Variants in NRCAM observed in about 807,000 individuals in gnomAD.
The protein encoded by NRCAM is neuronal cell adhesion molecule, also known as NgCAM-related cell adhesion molecule.
In NRCAM, 83 loss-of-function variants were observed where a neutral mutation model predicts 156.5. That is an observed-to-expected ratio of 0.53 (90% CI 0.44 to 0.64). The LOEUF (loss-of-function observed/expected upper bound fraction) is 0.64, where lower values mean the gene tolerates loss of function less well. Among genes scored for constraint, NRCAM ranks in the 30% least tolerant of loss-of-function variants. NRCAM has a pLI of 0.00. For missense variants in NRCAM, 1,417 were observed against 1,597.3 expected, an observed-to-expected ratio of 0.89 and a Z score of 1.92; for synonymous variants, 538 against 563.9, an observed-to-expected ratio of 0.95 and a Z score of 0.65.
intron 2 of NRCAM, among the ~76,000 whole-genome samples, chr7:108,345,226 G>A (rs1419386860): frequency 6.6e-6 from 1 of 152,188 alleles, no homozygotes; most frequent in African/African-American, 2.4e-5. Context: ...TTGAACCTTA[G>A]TGAACTGTGT....
intron 2 of NRCAM, among the ~76,000 whole-genome samples, chr7:108,332,882 A>AT (rs1017036020): frequency 1.7e-4 from 26 of 152,332 alleles, no homozygotes; most frequent in African/African-American, 6.3e-4. Context: ...AGACAATGTA[A>AT]TAATAACCGA....
At chr7:108,344,859 C>A (rs1486523236) in intron 2 of NRCAM, among the ~76,000 whole-genome samples, 1 of 152,110 alleles carries the variant, frequency 6.6e-6, no homozygotes, top group Non-Finnish European at 1.5e-5. Flanking sequence ...AATGTCCTAA[C>A]CTTATTTCCA....
In NRCAM at chr7:108,194,017, C is replaced by T. The variant is rs1475787791; in HGVS notation, c.1778+7G>A. Reference sequence around the variant, plus strand: ...GAAGAGAAAGTAAAGAAATCGTCTTCAAATACCTTTCATCACTGGGCAGTT... The same window carrying T: ...GAAGAGAAAGTAAAGAAATCGTCTTTAAATACCTTTCATCACTGGGCAGTT... On this transcript the variant is annotated splice_region_variant and intron_variant, in intron 17 of 32. Coordinates refer to ENST00000379028, the MANE Select transcript of NRCAM (RefSeq NM_001037132.4). 7.4e-6 allele frequency: 12 copies of T among 1,612,120 alleles called. No individual in the cohort carries two copies. Among genetic ancestry groups the T allele is most frequent in the African/African-American group, 2.7e-5 (2 of 74,880 alleles).
At chr7:108,239,030 A>G (rs1350063637) in intron 4 of NRCAM, among the ~76,000 whole-genome samples, 2 of 152,172 alleles carry the variant, frequency 1.3e-5, no homozygotes, top group African/African-American at 2.4e-5. Context: ...TGCCAAACAG[A>G]TATTCTATTC....
At chr7:108,178,858 T>C (rs1169781723) in intron 25 of NRCAM, among the ~76,000 whole-genome samples, 1 of 152,178 alleles carries the variant, frequency 6.6e-6, no homozygotes, top group Admixed American at 6.5e-5. Context: ...ACTCTCCCTA[T>C]TGTCACTCTA....
intron 1 of NRCAM, among the ~76,000 whole-genome samples, chr7:108,413,517 A>C (rs1038672517): frequency 1.3e-5 from 2 of 152,122 alleles, no homozygotes; most frequent in Non-Finnish European, 2.9e-5. Context: ...TAGCCTTTGA[A>C]AGACAACTCA....
chr7:108,380,789 A>G (rs36063908), intron 2 of NRCAM, among the ~76,000 whole-genome samples: 48,950 of 151,988 alleles, frequency 0.32, 8,327 homozygotes, highest in East Asian at 0.6. Flanking sequence ...TTCCTGCCCA[A>G]AGTTCCAGGC....
rs1010829581 is a variant in NRCAM at position 108,181,768 on chromosome 7, G to A, written c.2646+54C>T. The A allele has an allele frequency of 2.5e-5, 29 of 1,183,260 alleles. No individual in the cohort carries two copies. The Middle Eastern group carries it at 5.7e-4, about 23-fold the overall frequency. 73.3% of individuals were successfully genotyped at this position (1,183,260 alleles called of 1,614,324 possible). On this transcript the variant is annotated intron_variant, in intron 24 of 32. Coordinates refer to ENST00000379028, the MANE Select transcript of NRCAM (RefSeq NM_001037132.4). ...CCTCCTGTGGTATGCATGACAAGTGGCATTCGCTGCAGCCCTTACTAAATA... is the reference window on the plus strand; with the variant it reads ...CCTCCTGTGGTATGCATGACAAGTGACATTCGCTGCAGCCCTTACTAAATA...
chr7:108,192,096 A>G (rs1219752773), intron 17 of NRCAM, among the ~76,000 whole-genome samples: 1 of 152,218 alleles, frequency 6.6e-6, no homozygotes, highest in Non-Finnish European at 1.5e-5. Flanking sequence ...CCAGGCCTCT[A>G]GAGCACGGGT....
At chr7:108,266,664 C>T (rs1161695011) in intron 3 of NRCAM, among the ~76,000 whole-genome samples, 1 of 152,208 alleles carries the variant, frequency 6.6e-6, no homozygotes, top group Non-Finnish European at 1.5e-5. Flanking sequence ...AAATATCAGT[C>T]ATTCCCTGTG....
At chr7:108,229,962 AAAT>A (rs2094087868) in intron 8 of NRCAM, among the ~76,000 whole-genome samples, 1 of 152,180 alleles carries the variant, frequency 6.6e-6, no homozygotes, top group South Asian at 2.1e-4. Context: ...AAAGTGGAAA[AAAT>A]AATTGGACAT....
intron 17 of NRCAM, among the ~76,000 whole-genome samples, chr7:108,193,358 G>A (rs1172831951): frequency 6.6e-6 from 1 of 152,232 alleles, no homozygotes; most frequent in Admixed American, 6.5e-5. Flanking sequence ...CCACACAAAT[G>A]ATTTCGACCA....
intron 1 of NRCAM, among the ~76,000 whole-genome samples, chr7:108,417,742 T>TTCTCTTTCTTTCTTTTTCAC (rs1803467811): frequency 6.6e-6 from 1 of 152,188 alleles, no homozygotes; most frequent in African/African-American, 2.4e-5. Context: ...TTCTCTGCTC[T>TTCTCTTTCTTTCTTTTTCAC]TCTCTTTCTT....
intron 32 of NRCAM, 73 bp downstream of exon 32, chr7:108,159,390 C>T: frequency 7.7e-7 from 1 of 1,305,202 alleles, no homozygotes; most frequent in Non-Finnish European, 1.1e-6. Flanking sequence ...AGAGCATATT[C>T]TGGCTGAGTT....
In NRCAM at chr7:108,298,607, C is replaced by T. The variant is rs552886043; in HGVS notation, c.-107+14058G>A. Among the ~76,000 whole-genome samples the T allele has an allele frequency of 9.2e-5, 14 of 151,518 alleles. No individual in the cohort carries two copies. In the East Asian group the frequency reaches 1.6e-3, roughly 17 times the overall value. ...GGCAGACCTTGCAGTGAGCCGAGAT[C>T]GCGCCACTGTACTCCAGCCTGGGTA... On this transcript the variant is annotated intron_variant, in intron 3 of 32. Transcript: ENST00000379028.
intron 2 of NRCAM, among the ~76,000 whole-genome samples, chr7:108,380,270 T>C (rs1202448803): frequency 6.6e-6 from 1 of 152,252 alleles, no homozygotes; most frequent in East Asian, 1.9e-4. Flanking sequence ...TAAAAATATT[T>C]AAAGTTATGT....
intron 3 of NRCAM, among the ~76,000 whole-genome samples, chr7:108,297,761 G>T (rs1421254416): frequency 6.6e-6 from 1 of 152,206 alleles, no homozygotes; most frequent in Non-Finnish European, 1.5e-5. Context: ...AGGGGTACAG[G>T]GGTTCCAACA....
intron 8 of NRCAM, among the ~76,000 whole-genome samples, chr7:108,230,346 A>G (rs557895708): frequency 3.4e-4 from 51 of 151,798 alleles, no homozygotes; most frequent in African/African-American, 1.2e-3. Flanking sequence ...AATTTCATCT[A>G]GATTACAGCA....
chr7:108,411,025 T>C (rs528516638), intron 1 of NRCAM, among the ~76,000 whole-genome samples: 184 of 152,326 alleles, frequency 1.2e-3, no homozygotes, highest in Middle Eastern at 3.4e-3. Context: ...ACTTTCCTTC[T>C]ACAATGAATT....
Sources: allele counts gnomAD v4.1 joint callset (sites outside exome capture counted in the v4.1 genomes callset), GRCh38; gene constraint gnomAD v4.1.1; transcripts MANE v1.5; gene names NCBI Gene and HGNC (gene_info 2026-07-23, HGNC 2026-07-21).